BCL2: variants seen among roughly 807,000 people sequenced by gnomAD.
BCL2 encodes the protein apoptosis regulator Bcl-2.
BCL2 carries 1 observed loss-of-function variant against 14.2 expected under a neutral mutation model. The observed-to-expected ratio is 0.07, with a 90% CI of 0.02 to 0.33. The LOEUF (loss-of-function observed/expected upper bound fraction) is 0.33, where lower values mean the gene tolerates loss of function less well. BCL2 is among the 10% of genes least tolerant of loss of function. The probability of loss-of-function intolerance (pLI) is 0.99; values close to 1 mark genes in which losing one functional copy is unlikely to be tolerated. For synonymous variants in BCL2, 151 were observed against 137.2 expected, an observed-to-expected ratio of 1.10 and a Z score of -0.70; for missense variants, 247 against 305.9, an observed-to-expected ratio of 0.81 and a Z score of 1.44.
chr18:63,130,881 C>A (rs777008230), intron 2 of BCL2, among the ~76,000 whole-genome samples: 1 of 152,190 alleles, frequency 6.6e-6, no homozygotes, highest in Non-Finnish European at 1.5e-5. Flanking sequence ...GCCATCCTCA[C>A]ATTCTCATGG....
intron 2 of BCL2, among the ~76,000 whole-genome samples, chr18:63,145,222 C>T (rs528016325): frequency 3.9e-5 from 6 of 152,366 alleles, no homozygotes; most frequent in Middle Eastern, 3.4e-3. Context: ...GGATTTTGAT[C>T]CTTTCAAGTG....
chr18:63,264,950 C>T (rs1236951011), intron 2 of BCL2, among the ~76,000 whole-genome samples: 1 of 130 alleles, frequency 7.7e-3, no homozygotes, highest in Non-Finnish European at 0.019. Context: ...AAGGAAAGAA[C>T]ACGGACTCTC....
chr18:63,273,165 T>C (rs935855835), intron 2 of BCL2, among the ~76,000 whole-genome samples: 10 of 152,196 alleles, frequency 6.6e-5, no homozygotes, highest in African/African-American at 2.4e-4. Flanking sequence ...AAGTATAAAG[T>C]AGACTCATGA....
rs2144322988 is a variant in BCL2, at chr18:63,318,327, C to T, written c.340G>A (p.Glu114Lys). The T allele has an allele frequency of 6.2e-7, 1 of 1,613,218 alleles. No homozygotes were observed. The highest frequency in any genetic ancestry group is 8.5e-7 in the Non-Finnish European group (1 of 1,179,476). The change falls in exon 2 of 3, where the codon GAG becomes AAG. Residue 114 changes from glutamate to lysine, a missense_variant. Glu to Lys is a moderately conservative substitution (Grantham distance 56). Transcript: ENST00000333681. The surrounding 1 kb of genome is among the most constrained non-coding windows in gnomAD (Gnocchi z 7.4). ...FSRRYRRDFAEMSSQLHLTPF... is the reference protein window; with the variant it reads ...FSRRYRRDFAKMSSQLHLTPF... Reference sequence around the variant, plus strand: ...GTCAGGTGCAGCTGGCTGGACATCTCGGCGAAGTCGCGGCGGTAGCGGCGG... The same window carrying T: ...GTCAGGTGCAGCTGGCTGGACATCTTGGCGAAGTCGCGGCGGTAGCGGCGG...
intron 2 of BCL2, chr18:63,317,632 C>A: frequency 4.0e-6 from 4 of 1,011,672 alleles, no homozygotes; most frequent in Non-Finnish European, 4.7e-6. Flanking sequence ...TAGTGTACAA[C>A]GGGCTTGTTT....
chr18:63,243,304 C>T (rs1911064010), intron 2 of BCL2, among the ~76,000 whole-genome samples: 2 of 152,088 alleles, frequency 1.3e-5, no homozygotes, highest in African/African-American at 4.8e-5. Flanking sequence ...TTAGTGGGAG[C>T]TAACTGATGA....
chr18:63,227,732 CT>C (rs1287878845), intron 2 of BCL2, among the ~76,000 whole-genome samples: 2 of 152,230 alleles, frequency 1.3e-5, no homozygotes, highest in African/African-American at 2.4e-5. Flanking sequence ...ATATAAATGA[CT>C]TTAACCTGTT....
chr18:63,129,843 G>T (rs141480354), intron 2 of BCL2, among the ~76,000 whole-genome samples: 1 of 152,162 alleles, frequency 6.6e-6, no homozygotes, highest in Non-Finnish European at 1.5e-5. Flanking sequence ...TAAGGTCAAG[G>T]TTCTCCTGGG....
intron 2 of BCL2, among the ~76,000 whole-genome samples, chr18:63,289,005 T>A (rs957117071): frequency 1.3e-5 from 2 of 152,178 alleles, no homozygotes; most frequent in African/African-American, 4.8e-5. Flanking sequence ...TGAATGAAGC[T>A]AGGAGAGAAG....
At chr18:63,194,360 G>A (rs1243175833) in intron 2 of BCL2, among the ~76,000 whole-genome samples, 1 of 148,260 alleles carries the variant, frequency 6.7e-6, no homozygotes, top group African/African-American at 2.5e-5. Flanking sequence ...TTGAGATGGA[G>A]TCTCACTCTA....
chr18:63,127,735 T>G lies in BCL2; in HGVS notation c.*890A>C, dbSNP rs1913948454. 1 of 225,410 alleles carries G rather than the reference T, an allele frequency of 4.4e-6. No individual in the cohort carries two copies. Among genetic ancestry groups the G allele is most frequent in the Admixed American group, 5.7e-5 (1 of 17,496 alleles). 14.0% of individuals were successfully genotyped at this position (225,410 alleles called of 1,614,324 possible). ...CTTCCTGATGCGGAAGTCACCGAAA[T>G]GTTCACTTCCTCAAGTTCCAGAGGA... On this transcript the variant is annotated 3_prime_UTR_variant, in exon 3 of 3. Coordinates refer to ENST00000333681, the MANE Select transcript of BCL2 (RefSeq NM_000633.3).
chr18:63,278,832 G>C (rs186200091), intron 2 of BCL2, among the ~76,000 whole-genome samples: 2 of 152,282 alleles, frequency 1.3e-5, no homozygotes, highest in Admixed American at 1.3e-4. Context: ...ATTGGCACAA[G>C]TGTAGGAAAC....
At chr18:63,177,413 A>G (rs1052543342) in intron 2 of BCL2, among the ~76,000 whole-genome samples, 2 of 152,258 alleles carry the variant, frequency 1.3e-5, no homozygotes, top group South Asian at 4.1e-4. Flanking sequence ...ACCAGGCCTG[A>G]CCCAGGGCCT....
chr18:63,184,373 C>T (rs1225078032), intron 2 of BCL2, among the ~76,000 whole-genome samples: 1 of 152,222 alleles, frequency 6.6e-6, no homozygotes, highest in Non-Finnish European at 1.5e-5. Flanking sequence ...CTGAAATATT[C>T]TCATTACAGA....
intron 2 of BCL2, among the ~76,000 whole-genome samples, chr18:63,185,503 G>C (rs1490887841): frequency 6.6e-6 from 1 of 152,208 alleles, no homozygotes; most frequent in African/African-American, 2.4e-5. Context: ...AGGGCTAGCT[G>C]CTTTCCATAT....
chr18:63,263,760 G>A (rs1911731613), intron 2 of BCL2, among the ~76,000 whole-genome samples: 1 of 152,140 alleles, frequency 6.6e-6, no homozygotes, highest in Admixed American at 6.5e-5. Flanking sequence ...TCAATGTCAA[G>A]TTACTCCTCT....
chr18:63,247,287 C>T (rs537816262), intron 2 of BCL2, among the ~76,000 whole-genome samples: 2 of 150,998 alleles, frequency 1.3e-5, no homozygotes, highest in Admixed American at 6.6e-5. Context: ...CAACCTCCCC[C>T]TCCCAAGTTC....
Position 63,318,543 on chromosome 18 carries a change from C to T in BCL2, c.124G>A (p.Ala42Thr), listed in dbSNP as rs1235481489. The change falls in exon 2 of 3, where the codon GCC (alanine) becomes ACC (threonine). Residue 42 changes from alanine to threonine, a missense_variant. Physicochemically the swap from Ala to Thr is moderately conservative, Grantham distance 58. Coordinates refer to ENST00000333681, the MANE Select transcript of BCL2 (RefSeq NM_000633.3). This position sits in a 1 kb window ranked among gnomAD's most constrained non-coding sequence, Gnocchi z 7.4. ...AGDVGAAPPG[A>T]APAPGIFSSQ... ...GAGAAGATGCCCGGTGCGGGGGCGG[C>T]CCCCGGGGGCGCGGCGCCCACATCT... is the stretch of plus-strand genomic sequence containing the variant. 1 of 1,584,142 alleles carries T rather than the reference C, an allele frequency of 6.3e-7. No homozygotes were observed. The highest frequency in any genetic ancestry group is 1.4e-5 in the African/African-American group (1 of 72,290).
intron 2 of BCL2, chr18:63,314,602 A>C (rs1913437603): frequency 6.6e-6 from 1 of 152,200 alleles, no homozygotes; most frequent in South Asian, 2.1e-4. Context: ...CATGAAGCTG[A>C]ATGTCGTCAC....
Sources: gnomAD v4.1 joint callset for allele counts (sites outside exome capture counted in the v4.1 genomes callset) on GRCh38, gnomAD v4.1.1 for gene constraint, Gnocchi (gnomAD v3.1) non-coding constraint, MANE v1.5 for transcripts, NCBI Gene and HGNC (gene_info 2026-07-23, HGNC 2026-07-21) for gene names.